ITCH: variants seen among roughly 807,000 people sequenced by gnomAD.
ITCH encodes the protein E3 ubiquitin-protein ligase Itchy homolog.
ITCH carries 28 observed loss-of-function variants against 126.8 expected under a neutral mutation model. That is an observed-to-expected ratio of 0.22 (90% CI 0.16 to 0.30). The LOEUF (loss-of-function observed/expected upper bound fraction) is 0.30. ITCH is among the 10% of genes least tolerant of loss of function. The pLI, the probability that ITCH is intolerant of heterozygous loss-of-function variation, is 1.00. For synonymous variants in ITCH, 342 were observed against 340.0 expected, an observed-to-expected ratio of 1.01 and a Z score of -0.06; for missense variants, 631 against 1,032.4, an observed-to-expected ratio of 0.61 and a Z score of 5.33.
At chr20:34,433,018 A>G (rs1443714051) in intron 7 of ITCH, among the ~76,000 whole-genome samples, 1 of 152,156 alleles carries the variant, frequency 6.6e-6, no homozygotes, top group Non-Finnish European at 1.5e-5. Context: ...GGCCGGGCGC[A>G]GTGGCTCATG....
At chr20:34,423,221 A>G (rs538398947) in intron 6 of ITCH, among the ~76,000 whole-genome samples, 2 of 152,218 alleles carry the variant, frequency 1.3e-5, no homozygotes, top group African/African-American at 4.8e-5. Context: ...TCCATGATAT[A>G]GCGTGTTTCA....
At position 34,479,867 on chromosome 20, in the gene ITCH, A is replaced by G. The variant is rs570175557; in HGVS notation, c.1818+78A>G. The G allele has an allele frequency of 3.5e-5, 44 of 1,254,844 alleles. No homozygotes were observed. In the Admixed American group the frequency reaches 3.9e-4, roughly 11 times the overall value. The allele number at this position is 1,254,844 out of a possible 1,614,324, so 77.7% of individuals were successfully genotyped here. A position where few individuals can be genotyped will look rare whatever the true frequency, so the allele number is the denominator to read the frequency against. On this transcript the variant is annotated intron_variant, in intron 18 of 24. Transcript: ENST00000374864. ...TTTCTCTTAGGTGCCATAACAGATC[A>G]TATGAGAGAAAGGGAAGTGGTTTTT...
chr20:34,365,232 G>C (rs1453728726), intron 1 of ITCH, among the ~76,000 whole-genome samples: 2 of 151,838 alleles, frequency 1.3e-5, no homozygotes, highest in African/African-American at 4.8e-5. Context: ...AGAAATGAAG[G>C]TGGAAATTCT....
chr20:34,391,318 G>A (rs552121938), intron 2 of ITCH, among the ~76,000 whole-genome samples: 58 of 152,138 alleles, frequency 3.8e-4, no homozygotes, highest in African/African-American at 1.2e-3. Context: ...CTTTTTCTGC[G>A]TTTATTTACA....
chr20:34,431,049 A>G (rs957121686), intron 7 of ITCH, among the ~76,000 whole-genome samples: 23 of 152,204 alleles, frequency 1.5e-4, no homozygotes, highest in African/African-American at 5.5e-4. Context: ...CCTGGGAAAG[A>G]CAGCAGTATC....
rs556215600 is a variant in ITCH, at chr20:34,396,485, C to T, written c.70+2604C>T. Among the ~76,000 whole-genome samples the T allele has an allele frequency of 6.6e-4, 100 of 151,990 alleles. 1 individual carries two copies. The highest frequency in any genetic ancestry group is 1.2e-3 in the Non-Finnish European group (82 of 67,960). ...GTATTTTACTCTGTGTGTGTGCGCG[C>T]GTGCATATGTTTTATCCATTTAATT... On this transcript the variant is annotated intron_variant, in intron 3 of 24. Transcript: ENST00000374864.
At chr20:34,501,186 A>C (rs1480144060) in intron 23 of ITCH, among the ~76,000 whole-genome samples, 1 of 152,178 alleles carries the variant, frequency 6.6e-6, no homozygotes, top group East Asian at 1.9e-4. Flanking sequence ...ATGCTTCTTG[A>C]CCTTGGGGAT....
rs764852368 is a variant in ITCH at position 34,449,470 on chromosome 20, A to G, written c.1200A>G (p.Pro400=). ...AATTTGATCCTCTTGGTCCATTGCCACCTGGATGGGGTAAGTCACATGAGT... is the reference window on the plus strand; with the variant it reads ...AATTTGATCCTCTTGGTCCATTGCCGCCTGGATGGGGTAAGTCACATGAGT... The part of the protein sequence containing the change: ...SKEFDPLGPL[P]PGWEKRTDSN... Residue 400 remains proline (P), a synonymous_variant, in exon 12 of 25, where the codon CCA becomes CCG. Coordinates refer to ENST00000374864, the MANE Select transcript of ITCH (RefSeq NM_031483.7). 2 of 1,604,138 alleles carry G rather than the reference A, an allele frequency of 1.2e-6. No homozygotes were observed. The highest frequency in any genetic ancestry group is 1.7e-6 in the Non-Finnish European group (2 of 1,171,116).
At chr20:34,402,919 G>A (rs988374587) in intron 3 of ITCH, among the ~76,000 whole-genome samples, 2 of 152,012 alleles carry the variant, frequency 1.3e-5, no homozygotes, top group South Asian at 2.1e-4. Context: ...ATTATTAATC[G>A]TAATTAAATA....
chr20:34,504,260 T>C, intron 23 of ITCH, 71 bp from the exon 24 acceptor site: 1 of 1,118,334 alleles, frequency 8.9e-7, no homozygotes, highest in Non-Finnish European at 1.4e-6. Flanking sequence ...ATGCTGATGC[T>C]TGTTGGATTG....
chr20:34,422,545 A>G (rs1980915723), intron 6 of ITCH, among the ~76,000 whole-genome samples: 1 of 147,818 alleles, frequency 6.8e-6, no homozygotes, highest in Non-Finnish European at 1.5e-5. Context: ...TTTACCCTTT[A>G]TAGCCAAAAT....
intron 3 of ITCH, among the ~76,000 whole-genome samples, chr20:34,401,837 C>A (rs2038897156): frequency 6.6e-6 from 1 of 152,046 alleles, no homozygotes; most frequent in Non-Finnish European, 1.5e-5. Flanking sequence ...TAGTCTGTTA[C>A]AGAGTCATCC....
chr20:34,373,977 C>A (rs974252892), intron 2 of ITCH, among the ~76,000 whole-genome samples: 1 of 151,888 alleles, frequency 6.6e-6, no homozygotes, highest in African/African-American at 2.4e-5. Flanking sequence ...CTCCGTCTCC[C>A]AGGTTAAAGC....
rs754230506 is a variant in ITCH at position 34,480,604 on chromosome 20, G to C, written c.1824G>C (p.Leu608=). 3 of 1,613,784 alleles carry C rather than the reference G, an allele frequency of 1.9e-6. No homozygotes were observed. The South Asian group carries it at 3.3e-5, about 18-fold the overall frequency. Residue 608 remains leucine, a synonymous_variant, in exon 19 of 25, where the codon CTG becomes CTC. Coordinates refer to ENST00000374864, the MANE Select transcript of ITCH (RefSeq NM_031483.7). ...CTTGTTTCCTTTTTTCATAGGCTCT[G>C]TTCCATGGGAAATTCATAGACACGG... ...RFIGRFIAMA[L]FHGKFIDTGF... is the part of the protein sequence containing the mutation.
intron 20 of ITCH, among the ~76,000 whole-genome samples, chr20:34,483,915 C>T (rs527272127): frequency 6.6e-6 from 1 of 152,178 alleles, no homozygotes; most frequent in Non-Finnish European, 1.5e-5. Flanking sequence ...TGGTGGAAGG[C>T]AAGGAGGAGC....
intron 16 of ITCH, among the ~76,000 whole-genome samples, chr20:34,474,350 G>A (rs1987930042): frequency 6.6e-6 from 1 of 152,114 alleles, no homozygotes; most frequent in Admixed American, 6.5e-5. Flanking sequence ...TTGAGATTAG[G>A]GAGTGGTGAT....
intron 20 of ITCH, among the ~76,000 whole-genome samples, chr20:34,488,999 A>G (rs1989330418): frequency 6.6e-6 from 1 of 152,160 alleles, no homozygotes; most frequent in Non-Finnish European, 1.5e-5. Context: ...AGATTGTGCC[A>G]CTGTGCTTCA....
At chr20:34,494,434 T>C (rs1989723639) in intron 23 of ITCH, among the ~76,000 whole-genome samples, 1 of 152,242 alleles carries the variant, frequency 6.6e-6, no homozygotes, top group African/African-American at 2.4e-5. Flanking sequence ...TTGGAGAATT[T>C]TAGAGGCTAT....
At chr20:34,402,089 CA>C in intron 3 of ITCH, 1 of 794,316 alleles carries the variant, frequency 1.3e-6, no homozygotes, top group Non-Finnish European at 2.1e-6. Context: ...TTGACTTAAA[CA>C]TTGCTTTTAG....
Sources: allele counts gnomAD v4.1 joint callset (sites outside exome capture counted in the v4.1 genomes callset), GRCh38; gene constraint gnomAD v4.1.1; transcripts MANE v1.5; gene names NCBI Gene and HGNC (gene_info 2026-07-23, HGNC 2026-07-21).